The following COL4A4 variants were observed in gnomAD, a reference collection of about 807,000 sequenced individuals.
COL4A4 encodes collagen alpha-4(IV) chain.
Under a neutral mutation model 192.9 loss-of-function variants are expected in COL4A4, and 105 were observed. That is an observed-to-expected ratio of 0.54 (90% CI 0.46 to 0.64). The LOEUF is 0.64. COL4A4 is among the 30% of genes least tolerant of loss of function. COL4A4 has a pLI of 0.00. For synonymous variants in COL4A4, 762 were observed against 769.9 expected (o/e 0.99, Z 0.17); for missense variants, 1,967 against 2,169.3 (o/e 0.91, Z 1.85).
At chr2:227,009,593 G>A (rs1963083178) in intron 46 of COL4A4, among the ~76,000 whole-genome samples, 1 of 152,042 alleles carries the variant, frequency 6.6e-6, no homozygotes, top group Non-Finnish European at 1.5e-5. Flanking sequence ...AGCTACTCAG[G>A]AGGCTGAGGC....
chr2:226,976,070 C>T, the COL4A4 span, among the ~76,000 whole-genome samples: 90 of 151,672 alleles, frequency 5.9e-4, no homozygotes, highest in African/African-American at 2.2e-3. Flanking sequence ...AGACTATGTG[C>T]AGTATGGATT....
At position 227,007,093 on chromosome 2, in the gene COL4A4, T is replaced by TA; in HGVS notation, c.*231dup. 2 of 631,186 alleles carry TA rather than the reference T, an allele frequency of 3.2e-6. No homozygotes were observed. Among genetic ancestry groups the TA allele is most frequent in the Non-Finnish European group, 5.6e-6 (2 of 354,044 alleles). The allele number at this position is 631,186 out of a possible 1,614,324, so 39.1% of individuals were successfully genotyped here. ...AAGCCAGTTCTTCGATCATCCTCAG[T>TA]AAAATAAGAGTATCTAGGCTCCCTA... On this transcript the variant is annotated 3_prime_UTR_variant, in exon 48 of 48. Transcript: ENST00000396625.
chr2:227,077,819 T>G (rs1038201309), intron 25 of COL4A4, 75 bp downstream of exon 25: 1 of 1,341,984 alleles, frequency 7.5e-7, no homozygotes, highest in African/African-American at 1.5e-5. Flanking sequence ...CACCACTATA[T>G]AATTCTTCCA....
intron 44 of COL4A4, among the ~76,000 whole-genome samples, chr2:227,019,152 G>C (rs1391287165): frequency 1.3e-5 from 2 of 152,104 alleles, no homozygotes; most frequent in Non-Finnish European, 2.9e-5. Flanking sequence ...TTAACATTCA[G>C]GCTCTGCCAC....
At chr2:227,023,930 C>T (rs748531946) in intron 43 of COL4A4, among the ~76,000 whole-genome samples, 1 of 151,324 alleles carries the variant, frequency 6.6e-6, no homozygotes, top group Non-Finnish European at 1.5e-5. Flanking sequence ...CGCTTGAACC[C>T]GGGAGGCGGA....
At chr2:227,050,672 A>C (rs1459312593) in intron 33 of COL4A4, among the ~76,000 whole-genome samples, 1 of 152,192 alleles carries the variant, frequency 6.6e-6, no homozygotes, top group Non-Finnish European at 1.5e-5. Flanking sequence ...GTGATTTTTC[A>C]GGACGACTTT....
rs113276669 is a variant in COL4A4 at position 227,100,808 on chromosome 2, C to CT, written c.1029+695dup. Among the ~76,000 whole-genome samples the CT allele has an allele frequency of 6.2e-3, 885 of 142,234 alleles. 8 individuals carry two copies. Among genetic ancestry groups the CT allele is most frequent in the Non-Finnish European group, 9.4e-3 (608 of 64,844 alleles). The allele number at this position is 142,234 out of a possible 152,430, so 93.3% of individuals were successfully genotyped here. On this transcript the variant is annotated intron_variant, in intron 17 of 47. Coordinates refer to ENST00000396625, the MANE Select transcript of COL4A4 (RefSeq NM_000092.5). ...GGGGGTGGGTCTTTCCTGCGCTATT[C>CT]TTTTTTTTTTTTTTGAGATGGAGTC...
At chr2:227,094,047 A>G in intron 20 of COL4A4, 78 bp downstream of exon 20, 1 of 1,357,968 alleles carries the variant, frequency 7.4e-7, no homozygotes, top group South Asian at 1.3e-5. Flanking sequence ...AATATTTTAA[A>G]AACTATGCTT....
chr2:227,030,151 T>C (rs573905665), intron 41 of COL4A4, among the ~76,000 whole-genome samples: 12 of 152,046 alleles, frequency 7.9e-5, no homozygotes, highest in Non-Finnish European at 1.2e-4. Context: ...TGCTAAAATG[T>C]GTCTACTATA....
At position 227,056,068 on chromosome 2, in the gene COL4A4, G is replaced by T. The variant is rs762302461; in HGVS notation, c.2593C>A (p.Pro865Thr). ...CCGGGGAGGCCTTTCATTCCAGCTG[G>T]CCCGGGAGGCCCCACATCTCCCGGC... Reference protein sequence around the residue: ...GQPGDVGPPGPAGMKGLPGLP... With the variant: ...GQPGDVGPPGTAGMKGLPGLP... Residue 865 changes from proline (P) to threonine (T), a missense_variant, in exon 30 of 48, where the codon CCA becomes ACA. By Grantham distance (38) the Pro-to-Thr change is conservative. Coordinates refer to ENST00000396625, the MANE Select transcript of COL4A4 (RefSeq NM_000092.5). 3 of 1,613,964 alleles carry T rather than the reference G, an allele frequency of 1.9e-6. No individual in the cohort carries two copies. The highest frequency in any genetic ancestry group is 2.5e-6 in the Non-Finnish European group (3 of 1,179,966).
intron 31 of COL4A4, among the ~76,000 whole-genome samples, chr2:227,052,744 T>C (rs1427937705): frequency 3.3e-5 from 5 of 152,202 alleles, no homozygotes; most frequent in African/African-American, 9.7e-5. Context: ...CTTTGTTCTA[T>C]AAAATTTGGA....
chr2:227,103,009 T>C (rs1308310507), intron 14 of COL4A4, 135 bp downstream of exon 14: 6 of 1,037,002 alleles, frequency 5.8e-6, no homozygotes, highest in Non-Finnish European at 7.4e-6. Flanking sequence ...TCTATAGTAT[T>C]ATGATAAGAT....
At chr2:227,000,539 AC>A (rs1321767725), downstream of COL4A4, among the ~76,000 whole-genome samples, 1 of 152,168 alleles carries the variant, frequency 6.6e-6, no homozygotes, top group East Asian at 1.9e-4. Context: ...GATGCAAGCT[AC>A]CCCCTAGAGA....
At chr2:227,041,858 G>GAAAGAA (rs1286990046) in intron 37 of COL4A4, among the ~76,000 whole-genome samples, 1 of 98,512 alleles carries the variant, frequency 1.0e-5, no homozygotes, top group Middle Eastern at 4.2e-3. Flanking sequence ...GAGAAAGAAA[G>GAAAGAA]AAAGAAAGAA....
intron 43 of COL4A4, among the ~76,000 whole-genome samples, chr2:227,024,456 C>T (rs925541145): frequency 1.3e-5 from 2 of 151,938 alleles, no homozygotes; most frequent in African/African-American, 2.4e-5. Context: ...GTGGTGGAAT[C>T]GCCAGCCTGG....
intron 1 of COL4A4, among the ~76,000 whole-genome samples, chr2:227,152,671 T>C (rs1188486809): frequency 6.6e-6 from 1 of 152,212 alleles, no homozygotes. Flanking sequence ...CAGCCACATG[T>C]TGTCTGCAAC....
intron 20 of COL4A4, among the ~76,000 whole-genome samples, 175 bp from the exon 21 acceptor site, chr2:227,090,132 C>CAT (rs923170540): frequency 1.3e-5 from 2 of 152,100 alleles, no homozygotes; most frequent in Non-Finnish European, 2.9e-5. Context: ...AATATACACA[C>CAT]ATATAGATGA....
chr2:227,132,994 C>A (rs2062579412), intron 4 of COL4A4, among the ~76,000 whole-genome samples: 1 of 152,138 alleles, frequency 6.6e-6, no homozygotes, highest in South Asian at 2.1e-4. Context: ...TTTCTATTTT[C>A]CTATATAGTA....
intron 22 of COL4A4, among the ~76,000 whole-genome samples, chr2:227,087,086 G>A (rs1240439143): frequency 6.6e-6 from 1 of 152,164 alleles, no homozygotes; most frequent in Admixed American, 6.5e-5. Context: ...TTAATAAGGA[G>A]GGGACAGAGG....
Sources: allele counts gnomAD v4.1 joint callset (sites outside exome capture counted in the v4.1 genomes callset), GRCh38; gene constraint gnomAD v4.1.1; transcripts MANE v1.5; gene names NCBI Gene and HGNC (gene_info 2026-07-23, HGNC 2026-07-21).